Variants in SNRPN observed in about 807,000 individuals in gnomAD.
SNRPN encodes small nuclear ribonucleoprotein polypeptide N.
In SNRPN, 7 loss-of-function variants were observed where a neutral mutation model predicts 25.2. The ratio of observed to expected loss-of-function variants is 0.28; its 90% CI spans 0.16 to 0.52. The LOEUF (loss-of-function observed/expected upper bound fraction) is 0.52, where lower values mean the gene tolerates loss of function less well. SNRPN is among the 20% of genes least tolerant of loss of function. The pLI, the probability that SNRPN is intolerant of heterozygous loss-of-function variation, is 0.96. For synonymous variants in SNRPN, 124 were observed against 110.6 expected, an observed-to-expected ratio of 1.12 and a Z score of -0.76; for missense variants, 196 against 322.5, an observed-to-expected ratio of 0.61 and a Z score of 3.00.
chr15:24,824,653 A>T (rs1195272451), intron 1 of SNRPN, among the ~76,000 whole-genome samples: 1 of 152,002 alleles, frequency 6.6e-6, no homozygotes, highest in African/African-American at 2.4e-5. Flanking sequence ...TAATTTTTAT[A>T]TGTTCATTTT....
chr15:24,852,945 G>A (rs1459207102), upstream of SNRPN, among the ~76,000 whole-genome samples: 1 of 151,942 alleles, frequency 6.6e-6, no homozygotes, highest in Non-Finnish European at 1.5e-5. Flanking sequence ...ACAAAAAAGA[G>A]AGAAAAGAAA....
chr15:24,925,802 C>G (rs1285433846), intron 3 of SNRPN, among the ~76,000 whole-genome samples: 2 of 151,662 alleles, frequency 1.3e-5, no homozygotes, highest in East Asian at 3.9e-4. Flanking sequence ...AGTGCAGTGG[C>G]GCGATCTCGG....
At chr15:24,863,429 A>G (rs1179870813) in intron 1 of SNRPN, among the ~76,000 whole-genome samples, 1 of 149,378 alleles carries the variant, frequency 6.7e-6, no homozygotes, top group Non-Finnish European at 1.5e-5. Context: ...GCAGCCTTGT[A>G]GGCCACTGTC....
At chr15:24,923,881 ATG>A (rs58343685) in intron 3 of SNRPN, among the ~76,000 whole-genome samples, 21,987 of 105,726 alleles carry the variant, frequency 0.21, 2,435 homozygotes, top group Non-Finnish European at 0.24. Flanking sequence ...AGTGCCGTGT[ATG>A]TGTGTGTGTG....
chr15:24,903,677 A>G lies in SNRPN; in HGVS notation c.-504-16334A>G, dbSNP rs188730403. 2.2e-3 allele frequency among the ~76,000 whole-genome samples: 334 copies of G among 152,318 alleles called. 4 individuals carry two copies. The highest frequency in any genetic ancestry group is 6.8e-3 in the Middle Eastern group (2 of 294). On this transcript the variant is annotated intron_variant, in intron 2 of 11. Coordinates refer to the SNRPN transcript ENST00000400097. ...ATGAAAAAGTTTACAGAATGTTGGT[A>G]TAAGCAGCTGCTAGGGATATTACTG...
chr15:24,850,013 C>G (rs1409821649), intron 2 of SNRPN: 1 of 152,196 alleles, frequency 6.6e-6, no homozygotes, highest in Non-Finnish European at 1.5e-5. Flanking sequence ...TCATCGATGT[C>G]TTCACACCAC....
Position 24,862,798 on chromosome 15 carries a change from G to A in SNRPN, c.-579+6082G>A, listed in dbSNP as rs376137433. On this transcript the variant is annotated intron_variant, in intron 1 of 11. Coordinates refer to the SNRPN transcript ENST00000400097. The stretch of plus-strand genomic sequence containing the variant: ...TTGGAGGAGATGCTGAAGAGTGAGG[G>A]GCAGGGGATCCACCAGACAGGGGAG... Among the ~76,000 whole-genome samples, 183 of 150,834 alleles carry A rather than the reference G, an allele frequency of 1.2e-3. 2 individuals carry two copies. The highest frequency in any genetic ancestry group is 1.9e-3 in the Non-Finnish European group (131 of 68,028).
intron 2 of SNRPN, among the ~76,000 whole-genome samples, chr15:24,916,835 G>A (rs570316762): frequency 4.6e-5 from 7 of 152,278 alleles, no homozygotes; most frequent in African/African-American, 1.7e-4. Context: ...CGTGGTGAGT[G>A]TTACAACTCT....
intron 3 of SNRPN, among the ~76,000 whole-genome samples, chr15:24,969,215 G>A (rs1370825476): frequency 6.6e-6 from 1 of 152,092 alleles, no homozygotes; most frequent in East Asian, 1.9e-4. Flanking sequence ...TGCAACCTCT[G>A]CCTCCCAGGT....
At chr15:24,825,428 T>A (rs1023976521) in intron 1 of SNRPN, among the ~76,000 whole-genome samples, 2 of 152,088 alleles carry the variant, frequency 1.3e-5, no homozygotes, top group African/African-American at 4.8e-5. Flanking sequence ...AGATAAGATT[T>A]ACTGGTTTAT....
intron 7 of SNRPN, 119 bp from the exon 8 acceptor site, chr15:24,977,657 TGA>T: frequency 1.0e-6 from 1 of 965,496 alleles, no homozygotes. Flanking sequence ...ATGGGAATAA[TGA>T]GAGAAGTACA....
intron 1 of SNRPN, among the ~76,000 whole-genome samples, chr15:24,881,232 C>T (rs529939036): frequency 6.6e-6 from 1 of 151,800 alleles, no homozygotes; most frequent in Admixed American, 6.6e-5. Context: ...TTTAAAAAGT[C>T]ACAGTAAGGG....
At chr15:24,910,267 C>T (rs151227735) in intron 2 of SNRPN, among the ~76,000 whole-genome samples, 82 of 152,230 alleles carry the variant, frequency 5.4e-4, no homozygotes, top group African/African-American at 1.8e-3. Context: ...TGCATAGCTT[C>T]TCTTAACTGC....
chr15:24,889,648 G>GCAAA (rs1471492070), intron 2 of SNRPN, among the ~76,000 whole-genome samples: 1 of 152,036 alleles, frequency 6.6e-6, no homozygotes, highest in Non-Finnish European at 1.5e-5. Context: ...ATGGGATTGT[G>GCAAA]GATCAATCAT....
upstream of SNRPN, among the ~76,000 whole-genome samples, chr15:24,854,448 T>G (rs1014658707): frequency 1.3e-5 from 2 of 152,232 alleles, no homozygotes; most frequent in Admixed American, 6.5e-5. Context: ...AGAACTGTTG[T>G]GAATTAAAGT....
chr15:24,828,454 C>T (rs2050254612), intron 1 of SNRPN, among the ~76,000 whole-genome samples: 1 of 151,942 alleles, frequency 6.6e-6, no homozygotes, highest in Non-Finnish European at 1.5e-5. Context: ...GAAAAATAAA[C>T]ATATGTGGCT....
chr15:24,928,804 T>C (rs1419178585), intron 3 of SNRPN, among the ~76,000 whole-genome samples: 2 of 152,024 alleles, frequency 1.3e-5, no homozygotes, highest in African/African-American at 4.8e-5. Context: ...GGTGGGGTCT[T>C]GCCATGTTGC....
rs8031711 is a variant in SNRPN at position 24,940,588 on chromosome 15, T to C, written c.-391+20464T>C. On this transcript the variant is annotated intron_variant, in intron 3 of 11. Transcript: ENST00000400097. ...TTTGCATTCTTTTTAAAAAATATTT[T>C]TAGTCTTTACATTTCAGAATCAGTA... is the stretch of plus-strand genomic sequence containing the variant. 4.1e-3 allele frequency among the ~76,000 whole-genome samples: 627 copies of C among 152,322 alleles called. 3 individuals carry two copies. The highest frequency in any genetic ancestry group is 0.015 in the African/African-American group (603 of 41,564).
intron 1 of SNRPN, among the ~76,000 whole-genome samples, chr15:24,827,595 G>A (rs539584318): frequency 1.3e-5 from 2 of 150,670 alleles, no homozygotes; most frequent in Non-Finnish European, 2.9e-5. Context: ...TAGGCCAGGC[G>A]CAGTAGCTCA....
Sources: allele counts gnomAD v4.1 joint callset (sites outside exome capture counted in the v4.1 genomes callset), GRCh38; gene constraint gnomAD v4.1.1; transcripts MANE v1.5; gene names NCBI Gene and HGNC (gene_info 2026-07-23, HGNC 2026-07-21).